NCOR2: variants seen among roughly 807,000 people sequenced by gnomAD.
The protein encoded by NCOR2 is CTG repeat protein 26.
A neutral mutation model predicts 262.9 loss-of-function variants in NCOR2; 81 were observed. That is an observed-to-expected ratio of 0.31 (90% CI 0.26 to 0.37). The LOEUF (loss-of-function observed/expected upper bound fraction) is 0.37, where lower values mean the gene tolerates loss of function less well. NCOR2 is among the 10% of genes least tolerant of loss of function. NCOR2 has a pLI of 1.00. For missense variants in NCOR2, 3,385 were observed against 3,621.4 expected (o/e 0.93, Z 1.68); for synonymous variants, 1,659 against 1,559.3 (o/e 1.06, Z -1.51).
intron 1 of NCOR2, among the ~76,000 whole-genome samples, chr12:124,486,786 T>G (rs1942497624): frequency 6.6e-6 from 1 of 152,152 alleles, no homozygotes; most frequent in Admixed American, 6.5e-5. Context: ...TGAACGGCCC[T>G]GGGCTGCATC....
chr12:124,384,665 G>A (rs1565895906), intron 17 of NCOR2, among the ~76,000 whole-genome samples: 1 of 152,188 alleles, frequency 6.6e-6, no homozygotes, highest in Non-Finnish European at 1.5e-5. Flanking sequence ...TCCTCCCACT[G>A]CAGGCTGTGT....
At chr12:124,420,955 C>T (rs2043168539) in intron 12 of NCOR2, among the ~76,000 whole-genome samples, 1 of 152,230 alleles carries the variant, frequency 6.6e-6, no homozygotes, top group Non-Finnish European at 1.5e-5. Flanking sequence ...CGGCCCCAGG[C>T]TAAACCCAGC....
intron 20 of NCOR2, among the ~76,000 whole-genome samples, chr12:124,370,828 G>C (rs926233758): frequency 6.6e-6 from 1 of 152,138 alleles, no homozygotes; most frequent in Admixed American, 6.5e-5. Context: ...CAAACAGGAC[G>C]ACACTGGGGT....
At chr12:124,340,171 C>T in exon 37 of NCOR2, 1 of 1,542,164 alleles carries the variant, frequency 6.5e-7, no homozygotes, top group Non-Finnish European at 8.7e-7. Context: ...GCTGCCCCCA[C>T]CCCCGCCGCT....
At position 124,482,032 on chromosome 12, in the gene NCOR2, C is replaced by T. The variant is rs114964095; in HGVS notation, c.411+1564G>A. On this transcript the variant is annotated intron_variant, in intron 3 of 46. Transcript: ENST00000405201. This position sits in a 1 kb window ranked among gnomAD's most constrained non-coding sequence, Gnocchi z 6.3. ...GATGGACTGGAAGTACGCAGGAGAG[C>T]AGGGAGGTGGCCAGGGTGGAGTCCC... Among the ~76,000 whole-genome samples, 791 of 152,202 alleles carry T rather than the reference C, an allele frequency of 5.2e-3. 9 individuals carry two copies. The highest frequency in any genetic ancestry group is 0.018 in the African/African-American group (759 of 41,508).
At position 124,327,448 on chromosome 12, in the gene NCOR2, C is replaced by T. The variant is rs201513599; in HGVS notation, c.7144G>A (p.Ala2382Thr). 919 of 1,612,476 alleles carry T rather than the reference C, an allele frequency of 5.7e-4. 3 individuals carry two copies. The highest frequency in any genetic ancestry group is 6.2e-4 in the Non-Finnish European group (726 of 1,179,912). The change falls in exon 45 of 47, where the codon GCT becomes ACT. Residue 2382 changes from alanine (A) to threonine (T), a missense_variant. Around this residue, in one of 5 missense-constraint regions of NCOR2, gnomAD observed 1,017 missense variants for 967.2 expected, o/e 1.05. Transcript: ENST00000405201. Reference sequence around the variant, plus strand: ...GTGTGGTCACTCCGTCCGTCAGCAGCGGTTATGGGCATAGCAGCGGGCAGG... The same window carrying T: ...GTGTGGTCACTCCGTCCGTCAGCAGTGGTTATGGGCATAGCAGCGGGCAGG...
chr12:124,417,370 C>T (rs572744500), intron 13 of NCOR2, among the ~76,000 whole-genome samples: 6 of 152,314 alleles, frequency 3.9e-5, no homozygotes, highest in African/African-American at 1.2e-4. Context: ...TGCCGGGCAC[C>T]GACACCCCCC....
chr12:124,519,386 G>A (rs1232468978), intron 1 of NCOR2, among the ~76,000 whole-genome samples: 1 of 152,186 alleles, frequency 6.6e-6, no homozygotes, highest in African/African-American at 2.4e-5. Flanking sequence ...GCAGCCAAGA[G>A]TTGGGCCTAA....
intron 13 of NCOR2, among the ~76,000 whole-genome samples, chr12:124,411,713 C>T (rs905511122): frequency 4.6e-5 from 7 of 152,252 alleles, no homozygotes; most frequent in African/African-American, 1.7e-4. Flanking sequence ...ACTGTGCCAG[C>T]GCTTGAGCTG....
chr12:124,429,384 C>T, intron 10 of NCOR2: 2 of 559,802 alleles, frequency 3.6e-6, no homozygotes. Context: ...GCCCTCCCTG[C>T]AGGGGGTCCT....
At position 124,340,193 on chromosome 12, in the gene NCOR2, T is replaced by TGCCG. The variant is rs1555301107; in HGVS notation, c.5499_5500insCGGC (p.Ser1834ArgfsTer194). 2.6e-5 allele frequency: 41 copies of TGCCG among 1,599,376 alleles called. No homozygotes were observed. In the Admixed American group the frequency reaches 3.9e-4, roughly 15 times the overall value. Reference sequence around the variant, plus strand: ...CCACCCCCGCCGCTGCTGCCGCTGCTCTGCTCTGTACCTGGTGACAGTCAG... The same window carrying TGCCG: ...CCACCCCCGCCGCTGCTGCCGCTGCTGCCGCTGCTCTGTACCTGGTGACAGTCAG... On this transcript the variant is annotated frameshift_variant, in exon 37 of 47. Transcript: ENST00000405201. LOFTEE classifies it high-confidence loss of function.
At chr12:124,494,768 C>T (rs1288360349) in intron 1 of NCOR2, among the ~76,000 whole-genome samples, 3 of 152,154 alleles carry the variant, frequency 2.0e-5, no homozygotes, top group Non-Finnish European at 4.4e-5. Flanking sequence ...CCCCCTTGCC[C>T]CCTGGAAGCC....
intron 1 of NCOR2, among the ~76,000 whole-genome samples, chr12:124,552,680 G>A (rs2051750784): frequency 6.6e-6 from 1 of 152,082 alleles, no homozygotes; most frequent in Non-Finnish European, 1.5e-5. Context: ...GTTTTTTCGG[G>A]GGGGTTAGGA....
chr12:124,523,138 C>T lies in NCOR2; in HGVS notation c.-118+12427G>A, dbSNP rs537783080. On this transcript the variant is annotated intron_variant, in intron 1 of 46. Transcript: ENST00000404621. This position sits in a 1 kb window ranked among gnomAD's most constrained non-coding sequence, Gnocchi z 4.0. ...GACCACGTTGGCTAAGGGAAGCCAA[C>T]GGTACTCCAGGGCTGTTTTTCTGCA... Among the ~76,000 whole-genome samples, 4 of 152,350 alleles carry T rather than the reference C, an allele frequency of 2.6e-5. No individual in the cohort carries two copies. In the South Asian group the frequency reaches 6.2e-4, roughly 24 times the overall value.
At chr12:124,429,693 G>T in exon 10 of NCOR2, 1 of 1,605,142 alleles carries the variant, frequency 6.2e-7, no homozygotes, top group Non-Finnish European at 8.5e-7. Context: ...CCACTGCCCC[G>T]CTGGCCCACC....
Position 124,517,708 on chromosome 12 carries a change from G to A in NCOR2, c.-118+17857C>T, listed in dbSNP as rs1205060515. Among the ~76,000 whole-genome samples the A allele has an allele frequency of 2.0e-5, 3 of 152,212 alleles. No individual in the cohort carries two copies. The highest frequency in any genetic ancestry group is 6.5e-5 in the Admixed American group (1 of 15,286). ...GCTCCCCCCCAGGGACGCCGGATGT[G>A]CACCAAGGAGAGGAGCACAGTGCCC... On this transcript the variant is annotated intron_variant, in intron 1 of 46. Transcript: ENST00000404621. This position sits in a 1 kb window ranked among gnomAD's most constrained non-coding sequence, Gnocchi z 7.6.
At chr12:124,472,354 C>G (rs1253124371) in intron 4 of NCOR2, among the ~76,000 whole-genome samples, 1 of 152,204 alleles carries the variant, frequency 6.6e-6, no homozygotes, top group African/African-American at 2.4e-5. Context: ...ATCTCGGGAT[C>G]TTGCTCCCTC....
intron 20 of NCOR2, among the ~76,000 whole-genome samples, chr12:124,370,101 T>G (rs2051061898): frequency 6.6e-6 from 1 of 152,214 alleles, no homozygotes; most frequent in South Asian, 2.1e-4. Context: ...CCGTCTGCCC[T>G]GACCCCGCTA....
At chr12:124,327,083 CAG>C (rs1290282918) in intron 45 of NCOR2, among the ~76,000 whole-genome samples, 1 of 152,156 alleles carries the variant, frequency 6.6e-6, no homozygotes, top group Non-Finnish European at 1.5e-5. Context: ...CCCAAGGAGA[CAG>C]ATGGGCCAAG....
Sources: gnomAD v4.1 joint callset for allele counts (sites outside exome capture counted in the v4.1 genomes callset) on GRCh38, gnomAD v4.1.1 for gene constraint, gnomAD v4.1.1 regional missense constraint, Gnocchi (gnomAD v3.1) non-coding constraint, MANE v1.5 for transcripts, NCBI Gene and HGNC (gene_info 2026-07-23, HGNC 2026-07-21) for gene names.